The following DOCK7 variants were observed in gnomAD, a reference collection of about 807,000 sequenced individuals.
DOCK7 encodes dedicator of cytokinesis 7, also known as dedicator of cytokinesis protein 7.
Under a neutral mutation model 271.0 loss-of-function variants are expected in DOCK7, and 138 were observed. The observed-to-expected ratio is 0.51, with a 90% CI of 0.44 to 0.59. DOCK7 has a LOEUF of 0.59. Ranked by LOEUF, DOCK7 falls within the 20% of genes least tolerant of loss-of-function variation. The pLI is 0.00. For synonymous variants in DOCK7, 823 were observed against 876.1 expected, an observed-to-expected ratio of 0.94 and a Z score of 1.07; for missense variants, 2,066 against 2,592.4, an observed-to-expected ratio of 0.80 and a Z score of 4.41.
At chr1:62,495,974 A>ATT (rs1646609488) in intron 38 of DOCK7, 2 of 360,202 alleles carry the variant, frequency 5.6e-6, no homozygotes, top group African/African-American at 4.3e-5. Context: ...TACAAAAGGA[A>ATT]AATTCTCTCC....
intron 48 of DOCK7, among the ~76,000 whole-genome samples, chr1:62,473,775 G>A (rs1161183649): frequency 6.6e-6 from 1 of 151,998 alleles, no homozygotes; most frequent in African/African-American, 2.4e-5. Flanking sequence ...CGTAGAGATG[G>A]GGTCTTGCTT....
At position 62,464,707 on chromosome 1, in the gene DOCK7, G is replaced by C. The variant is rs569244666; in HGVS notation, c.6213-7002C>G. Among the ~76,000 whole-genome samples the C allele has an allele frequency of 2.6e-5, 4 of 151,044 alleles. No individual in the cohort carries two copies. The South Asian group carries it at 6.3e-4, about 24-fold the overall frequency. Reference sequence around the variant, plus strand: ...CCCTAAACAAAAACAAAAACAAACAGACTGACCAAAAAAAAAAATCCTATT... The same window carrying C: ...CCCTAAACAAAAACAAAAACAAACACACTGACCAAAAAAAAAAATCCTATT... On this transcript the variant is annotated intron_variant, in intron 48 of 49. Coordinates refer to ENST00000635253, the MANE Select transcript of DOCK7 (RefSeq NM_001367561.1).
At chr1:62,615,741 G>C (rs1166113939) in intron 14 of DOCK7, among the ~76,000 whole-genome samples, 3 of 151,542 alleles carry the variant, frequency 2.0e-5, no homozygotes, top group African/African-American at 7.3e-5. Flanking sequence ...AAAGCTTCTT[G>C]CCTACAATAT....
At chr1:62,674,278 G>A (rs2149752927) in intron 1 of DOCK7, among the ~76,000 whole-genome samples, 1 of 152,076 alleles carries the variant, frequency 6.6e-6, no homozygotes, top group East Asian at 1.9e-4. Context: ...AAATGCTGAA[G>A]AGAGAAATTA....
At chr1:62,672,300 CATAAAACTA>C (rs1389445614) in intron 1 of DOCK7, among the ~76,000 whole-genome samples, 4 of 152,114 alleles carry the variant, frequency 2.6e-5, no homozygotes, top group African/African-American at 7.2e-5. Context: ...CATATTGGCA[CATAAAACTA>C]ATAAAACTAG....
intron 21 of DOCK7, among the ~76,000 whole-genome samples, 157 bp from the exon 22 acceptor site, chr1:62,553,058 CAG>C (rs1645967298): frequency 9.5e-5 from 8 of 84,546 alleles, no homozygotes; most frequent in Admixed American, 3.3e-4. Flanking sequence ...TTTTTTGAGA[CAG>C]AGTCTCTCTC....
chr1:62,639,153 GT>G (rs1453779322), intron 7 of DOCK7, among the ~76,000 whole-genome samples: 2 of 151,758 alleles, frequency 1.3e-5, no homozygotes, highest in Non-Finnish European at 2.9e-5. Flanking sequence ...ATCTGGTTGG[GT>G]TTTTTTAAAT....
chr1:62,623,566 C>T (rs775362053), intron 12 of DOCK7, among the ~76,000 whole-genome samples: 2 of 152,094 alleles, frequency 1.3e-5, no homozygotes, highest in African/African-American at 2.4e-5. Context: ...TGATAAACAG[C>T]AGGCTGAAGA....
chr1:62,595,615 A>G (rs536126720), intron 14 of DOCK7, among the ~76,000 whole-genome samples: 1 of 152,244 alleles, frequency 6.6e-6, no homozygotes, highest in African/African-American at 2.4e-5. Flanking sequence ...ATTTTACACA[A>G]TGAAGAGGCA....
intron 14 of DOCK7, among the ~76,000 whole-genome samples, chr1:62,613,079 A>G (rs946504180): frequency 6.6e-6 from 1 of 152,224 alleles, no homozygotes; most frequent in African/African-American, 2.4e-5. Context: ...CACAAGTAAC[A>G]TTGCATACAA....
At chr1:62,514,109 A>G (rs908625303) in intron 31 of DOCK7, among the ~76,000 whole-genome samples, 1 of 152,230 alleles carries the variant, frequency 6.6e-6, no homozygotes, top group Non-Finnish European at 1.5e-5. Flanking sequence ...TTTCCTGATA[A>G]CAGAAGTTTG....
At position 62,492,494 on chromosome 1, in the gene DOCK7, C is replaced by T; in HGVS notation, c.5361+210G>A. On this transcript the variant is annotated intron_variant, in intron 41 of 49. Coordinates refer to ENST00000635253, the MANE Select transcript of DOCK7 (RefSeq NM_001367561.1). ...GTAGAGACGGTATCTCACTATGTTC[C>T]CCATGCTGGTCTTGAACTCCTGGAT... is the stretch of plus-strand genomic sequence containing the variant. The T allele has an allele frequency of 1.4e-5, 7 of 514,508 alleles. 1 individual carries two copies. The South Asian group carries it at 1.6e-4, about 12-fold the overall frequency. The allele number at this position is 514,508 out of a possible 1,614,324, so 31.9% of individuals were successfully genotyped here. A position where few individuals can be genotyped will look rare whatever the true frequency, so the allele number is the denominator to read the frequency against.
intron 41 of DOCK7, among the ~76,000 whole-genome samples, chr1:62,489,976 A>C (rs1232356428): frequency 6.6e-6 from 1 of 151,116 alleles, no homozygotes; most frequent in African/African-American, 2.4e-5. Context: ...ACTGTGGGCT[A>C]GTTGGCCAGT....
rs1315994546 is a variant in DOCK7 at position 62,641,672 on chromosome 1, C to A, written c.819-5069G>T. The stretch of plus-strand genomic sequence containing the variant: ...CTGCTTGGCCACAATGGCCGCTGGG[C>A]AACCCGGAGATGGCCTCAGCCTCAT... On this transcript the variant is annotated intron_variant, in intron 7 of 49. Coordinates refer to ENST00000635253, the MANE Select transcript of DOCK7 (RefSeq NM_001367561.1). 1.6e-5 allele frequency: 7 copies of A among 431,862 alleles called. No individual in the cohort carries two copies. In the East Asian group the frequency reaches 4.9e-4, roughly 30 times the overall value. The allele number at this position is 431,862 out of a possible 1,614,324, so 26.8% of individuals were successfully genotyped here. A position where few individuals can be genotyped will look rare whatever the true frequency, so the allele number is the denominator to read the frequency against.
chr1:62,631,492 G>A (rs1654623667), intron 10 of DOCK7, 87 bp from the exon 11 acceptor site: 3 of 1,198,622 alleles, frequency 2.5e-6, no homozygotes, highest in South Asian at 3.4e-5. Flanking sequence ...GGAAAAGGAT[G>A]AGAAGTCTCA....
chr1:62,468,101 CT>C (rs1425128430), intron 48 of DOCK7, among the ~76,000 whole-genome samples: 1 of 152,134 alleles, frequency 6.6e-6, no homozygotes, highest in African/African-American at 2.4e-5. Flanking sequence ...TGGCTCACGC[CT>C]GTAATTCCAG....
At chr1:62,488,906 T>C in intron 42 of DOCK7, 28 bp downstream of exon 42, 1 of 1,613,170 alleles carries the variant, frequency 6.2e-7, no homozygotes, top group Non-Finnish European at 8.5e-7. Flanking sequence ...TTTCCCTTTA[T>C]AGTGAAGCTA....
At chr1:62,600,010 T>C (rs540479324) in intron 14 of DOCK7, among the ~76,000 whole-genome samples, 125 of 152,110 alleles carry the variant, frequency 8.2e-4, no homozygotes, top group African/African-American at 2.9e-3. Flanking sequence ...CAAATATTAT[T>C]ACCAATTTCC....
chr1:62,680,379 A>C (rs1163086926), intron 1 of DOCK7, among the ~76,000 whole-genome samples: 14 of 152,210 alleles, frequency 9.2e-5, no homozygotes, highest in South Asian at 2.1e-4. Context: ...CCTTATACAA[A>C]ACTGAATTCA....
Sources: gnomAD v4.1 joint callset for allele counts (sites outside exome capture counted in the v4.1 genomes callset) on GRCh38, gnomAD v4.1.1 for gene constraint, MANE v1.5 for transcripts, NCBI Gene and HGNC (gene_info 2026-07-23, HGNC 2026-07-21) for gene names.